The following SCFD2 variants were observed in gnomAD, a reference collection of about 807,000 sequenced individuals.
SCFD2 encodes sec1 family domain-containing protein 2.
SCFD2 carries 54 observed loss-of-function variants against 58.9 expected under a neutral mutation model. That is an observed-to-expected ratio of 0.92 (90% CI 0.74 to 1.15). The LOEUF (loss-of-function observed/expected upper bound fraction) is 1.15, where lower values mean the gene tolerates loss of function less well. SCFD2 is among the 50% of genes most tolerant of loss of function. The pLI is 0.00. For missense variants in SCFD2, 805 were observed against 836.6 expected (o/e 0.96, Z 0.47); for synonymous variants, 321 against 335.9 (o/e 0.96, Z 0.49).
chr4:53,006,826 G>A (rs916781908), intron 5 of SCFD2, among the ~76,000 whole-genome samples: 3 of 152,252 alleles, frequency 2.0e-5, no homozygotes, highest in East Asian at 3.9e-4. Flanking sequence ...AAGGAGCATG[G>A]ATTCAGGAAC....
chr4:52,914,080 T>C (rs1202330104), intron 6 of SCFD2, among the ~76,000 whole-genome samples: 2 of 152,200 alleles, frequency 1.3e-5, no homozygotes, highest in Non-Finnish European at 2.9e-5. Context: ...TAAACCCTTT[T>C]CCCTTCTGCA....
intron 3 of SCFD2, among the ~76,000 whole-genome samples, chr4:53,305,368 T>C (rs1187719266): frequency 6.6e-6 from 1 of 152,116 alleles, no homozygotes; most frequent in Admixed American, 6.5e-5. Context: ...TATGTGGACA[T>C]CCAATTTTCC....
At chr4:53,177,140 T>C in intron 4 of SCFD2, among the ~76,000 whole-genome samples, 1 of 152,330 alleles carries the variant, frequency 6.6e-6, no homozygotes, top group Admixed American at 6.5e-5. Context: ...GTTCAGGCAC[T>C]GAGTGCCAGA....
intron 4 of SCFD2, among the ~76,000 whole-genome samples, chr4:53,221,862 CCAT>C (rs1729056091): frequency 6.6e-6 from 1 of 152,186 alleles, no homozygotes; most frequent in Non-Finnish European, 1.5e-5. Context: ...TCCTTGAACA[CCAT>C]CAAGCACCAT....
chr4:53,100,343 C>A (rs941798095), intron 5 of SCFD2, among the ~76,000 whole-genome samples: 1 of 151,994 alleles, frequency 6.6e-6, no homozygotes, highest in Non-Finnish European at 1.5e-5. Context: ...TAGTGATGGT[C>A]CTGAAGTCAA....
chr4:53,277,970 G>A (rs943950714), intron 3 of SCFD2, among the ~76,000 whole-genome samples: 6 of 151,282 alleles, frequency 4.0e-5, no homozygotes, highest in Non-Finnish European at 8.8e-5. Context: ...GGAGAATGGC[G>A]TGAACCCGGG....
chr4:53,256,005 GCCGGGCGGGGGTCTGA>G (rs1452692772), intron 4 of SCFD2, among the ~76,000 whole-genome samples: 2 of 149,432 alleles, frequency 1.3e-5, no homozygotes, highest in Admixed American at 6.6e-5. Context: ...GGGGCGGCTG[GCCGGGCGGGGGTCTGA>G]CCCCCCACCT....
In SCFD2 at chr4:52,907,486, G is replaced by A; in HGVS notation, c.1813C>T (p.Leu605Phe). The A allele has an allele frequency of 6.2e-7, 1 of 1,614,038 alleles. No individual in the cohort carries two copies. Among genetic ancestry groups the A allele is most frequent in the South Asian group, 1.1e-5 (1 of 91,070 alleles). The change falls in exon 7 of 9, where the codon CTT becomes TTT. Residue 605 changes from leucine (L) to phenylalanine (F), a missense_variant. Physicochemically the swap from Leu to Phe is conservative, Grantham distance 22. This residue lies in a region of SCFD2 where 633 missense variants were observed against 646.8 expected (regional missense o/e 0.98). Coordinates refer to ENST00000401642, the MANE Select transcript of SCFD2 (RefSeq NM_152540.4). ...EHMSSGLTDL[L>F]KTGFSMFMKV... ...ATGAACATGCTAAATCCAGTTTTAA[G>A]GAGATCAGTGAGGCCTGAAGACATG...
chr4:53,300,129 C>G (rs1446020930), intron 3 of SCFD2, among the ~76,000 whole-genome samples: 2 of 152,148 alleles, frequency 1.3e-5, no homozygotes, highest in African/African-American at 4.8e-5. Flanking sequence ...GGGCTAAATG[C>G]TCCAATTAAA....
intron 4 of SCFD2, among the ~76,000 whole-genome samples, chr4:53,218,734 T>A (rs758975466): frequency 1.3e-5 from 2 of 152,248 alleles, no homozygotes; most frequent in African/African-American, 2.4e-5. Context: ...TTTAGATTTT[T>A]CAGCTTTTCT....
intron 3 of SCFD2, among the ~76,000 whole-genome samples, chr4:53,303,039 G>A (rs769239149): frequency 1.3e-5 from 2 of 152,140 alleles, no homozygotes; most frequent in Non-Finnish European, 2.9e-5. Context: ...ACATAGGCAT[G>A]GGCAAGGACT....
intron 5 of SCFD2, among the ~76,000 whole-genome samples, chr4:53,055,183 T>C (rs138233771): frequency 1.3e-5 from 2 of 152,318 alleles, no homozygotes; most frequent in African/African-American, 4.8e-5. Context: ...TTTGAAGGTC[T>C]GTCATTATTC....
chr4:53,132,323 G>C (rs926196143), intron 5 of SCFD2, among the ~76,000 whole-genome samples: 1 of 152,218 alleles, frequency 6.6e-6, no homozygotes, highest in Non-Finnish European at 1.5e-5. Flanking sequence ...TCCTGGGAGT[G>C]ATTTTGGCAG....
intron 1 of SCFD2, among the ~76,000 whole-genome samples, chr4:53,359,504 T>C (rs1734491082): frequency 6.6e-6 from 1 of 152,174 alleles, no homozygotes; most frequent in African/African-American, 2.4e-5. Context: ...GTCAGGAGGA[T>C]TGCTTGAAGT....
intron 5 of SCFD2, among the ~76,000 whole-genome samples, chr4:53,043,461 C>T (rs1419612667): frequency 6.6e-6 from 1 of 152,056 alleles, no homozygotes; most frequent in Non-Finnish European, 1.5e-5. Context: ...GACCATGTTG[C>T]TGTGAAATCC....
chr4:52,932,587 A>T (rs1720024442), intron 5 of SCFD2, among the ~76,000 whole-genome samples: 3 of 152,046 alleles, frequency 2.0e-5, no homozygotes. Flanking sequence ...ATAATATGGG[A>T]TTATTTTCTG....
chr4:53,258,542 A>G (rs1415893671), intron 4 of SCFD2, among the ~76,000 whole-genome samples: 54 of 15,648 alleles, frequency 3.5e-3, no homozygotes, highest in African/African-American at 8.2e-3. Context: ...GTGTGTGTAT[A>G]TATATATATA....
chr4:52,976,475 A>G (rs773163022), intron 5 of SCFD2, among the ~76,000 whole-genome samples: 1 of 152,174 alleles, frequency 6.6e-6, no homozygotes, highest in Non-Finnish European at 1.5e-5. Flanking sequence ...AAAATCAGAA[A>G]TCTACCTCAC....
chr4:53,342,807 C>G (rs1455472011), intron 2 of SCFD2, among the ~76,000 whole-genome samples: 1 of 152,154 alleles, frequency 6.6e-6, no homozygotes, highest in African/African-American at 2.4e-5. Context: ...AAGAAACTCA[C>G]TCAAAACCGC....
Sources: allele counts gnomAD v4.1 joint callset (sites outside exome capture counted in the v4.1 genomes callset), GRCh38; gene constraint gnomAD v4.1.1; regional missense constraint gnomAD v4.1.1; transcripts MANE v1.5; gene names NCBI Gene and HGNC (gene_info 2026-07-23, HGNC 2026-07-21).